MLXIPL: variants seen among roughly 807,000 people sequenced by gnomAD.
The protein encoded by MLXIPL is carbohydrate-responsive element-binding protein.
In MLXIPL, 49 loss-of-function variants were observed where a neutral mutation model predicts 81.5. That is an observed-to-expected ratio of 0.60 (90% CI 0.48 to 0.76). The LOEUF (loss-of-function observed/expected upper bound fraction) is 0.76, where lower values mean the gene tolerates loss of function less well. Among genes scored for constraint, MLXIPL ranks in the 30% least tolerant of loss-of-function variants. MLXIPL has a pLI of 0.00. For missense variants in MLXIPL, 1,053 were observed against 1,167.0 expected, an observed-to-expected ratio of 0.90 and a Z score of 1.42; for synonymous variants, 466 against 485.5, an observed-to-expected ratio of 0.96 and a Z score of 0.53.
At chr7:73,638,634 T>C in the MLXIPL span, among the ~76,000 whole-genome samples, 2 of 151,652 alleles carry the variant, frequency 1.3e-5, no homozygotes, top group African/African-American at 2.4e-5. Flanking sequence ...TGTTTGTTTG[T>C]TTTTCCAAGA....
chr7:73,641,568 C>T, the MLXIPL span, among the ~76,000 whole-genome samples: 4 of 152,236 alleles, frequency 2.6e-5, no homozygotes, highest in South Asian at 4.1e-4. Context: ...TGTTTACTCA[C>T]ACTTATGACA....
the MLXIPL span, among the ~76,000 whole-genome samples, chr7:73,632,127 G>A: frequency 1.3e-5 from 2 of 150,960 alleles, no homozygotes; most frequent in Admixed American, 1.3e-4. Context: ...TAAGTAGCTG[G>A]GACCACCACA....
Position 73,596,108 on chromosome 7 carries a change from G to T in MLXIPL, c.2058+45C>A. 1 of 1,605,484 alleles carries T rather than the reference G, an allele frequency of 6.2e-7. No homozygotes were observed. The highest frequency in any genetic ancestry group is 8.5e-7 in the Non-Finnish European group (1 of 1,177,754). ...GTTTTGGGTGGGGGGGGTCCAGAAA[G>T]GGGCCCTGTGGTTTTGGGGGTGCCA... On this transcript the variant is annotated intron_variant, in intron 13 of 16. Transcript: ENST00000313375. This position sits in a 1 kb window ranked among gnomAD's most constrained non-coding sequence, Gnocchi z 4.7.
rs1371004063 is a variant in MLXIPL, at chr7:73,624,262, G to C, written c.231C>G (p.Phe77Leu). ...GTGTGGGGTCGATACTGCGCGGCCC[G>C]AAGTCGGAGGGCCCCACGGACCCCT... The part of the protein sequence containing the change: ...DQEGSVGPSD[F>L]GPRSIDPTLT... The change falls in exon 1 of 17, where the codon TTC (phenylalanine) becomes TTG (leucine). Residue 77 changes from phenylalanine (F) to leucine (L), a missense_variant. Around this residue, in one of 3 missense-constraint regions of MLXIPL, gnomAD observed 226 missense variants for 216.2 expected, o/e 1.05. Transcript: ENST00000313375. 1 of 1,593,530 alleles carries C rather than the reference G, an allele frequency of 6.3e-7. No individual in the cohort carries two copies. Among genetic ancestry groups the C allele is most frequent in the African/African-American group, 1.3e-5 (1 of 74,584 alleles).
the MLXIPL span, among the ~76,000 whole-genome samples, chr7:73,632,113 C>T: frequency 6.6e-6 from 1 of 151,258 alleles, no homozygotes; most frequent in South Asian, 2.1e-4. Flanking sequence ...CTGCCTCAGC[C>T]TCCTAAGTAG....
Position 73,597,589 on chromosome 7 carries a change from G to A in MLXIPL, c.1196C>T (p.Pro399Leu). Reference sequence around the variant, plus strand: ...CAGGCCTGGCACCTTGGCAGGGGGAGGGTAATGCAGCAGAGGTGGGGGTAC... The same window carrying A: ...CAGGCCTGGCACCTTGGCAGGGGGAAGGTAATGCAGCAGAGGTGGGGGTAC... ...PPVPPPLLHY[P>L]PPAKVPGLEP... is the part of the protein sequence containing the mutation. Residue 399 changes from proline to leucine, a missense_variant, in exon 9 of 17, where the codon CCT (proline) becomes CTT (leucine). Transcript: ENST00000313375. 2 of 1,337,346 alleles carry A rather than the reference G, an allele frequency of 1.5e-6. 1 individual carries two copies. The highest frequency in any genetic ancestry group is 4.8e-5 in the South Asian group (2 of 42,022). The allele number at this position is 1,337,346 out of a possible 1,614,324, so 82.8% of individuals were successfully genotyped here.
intron 1 of MLXIPL, among the ~76,000 whole-genome samples, chr7:73,622,722 C>T (rs1179710603): frequency 6.6e-6 from 1 of 151,522 alleles, no homozygotes; most frequent in African/African-American, 2.4e-5. Flanking sequence ...ACTGGGGTTA[C>T]ATCAGCCTTG....
At chr7:73,635,898 C>T in the MLXIPL span, among the ~76,000 whole-genome samples, 13 of 152,210 alleles carry the variant, frequency 8.5e-5, no homozygotes, top group Admixed American at 1.3e-4. Flanking sequence ...ATGTCATGCC[C>T]TCTGTTCAGG....
chr7:73,643,286 G>A, the MLXIPL span, among the ~76,000 whole-genome samples: 23 of 152,102 alleles, frequency 1.5e-4, no homozygotes, highest in Non-Finnish European at 2.9e-4. Context: ...AGGCCGAGGC[G>A]GGCGGATCAC....
chr7:73,637,195 G>A, the MLXIPL span, among the ~76,000 whole-genome samples: 7 of 151,604 alleles, frequency 4.6e-5, no homozygotes, highest in African/African-American at 1.7e-4. Flanking sequence ...AAGCAAAAAG[G>A]GGCCTTGTGC....
rs1311612009 is a variant in MLXIPL, at chr7:73,623,139, G to A, written c.293+1061C>T. The stretch of plus-strand genomic sequence containing the variant: ...CCAGCCAATGGGGTCGCAGCTGGGC[G>A]GCTGCGGTTGGGGGCAGGCAACACT... On this transcript the variant is annotated intron_variant, in intron 1 of 16. Coordinates refer to ENST00000313375, the MANE Select transcript of MLXIPL (RefSeq NM_032951.3). The surrounding 1 kb of genome is among the most constrained non-coding windows in gnomAD (Gnocchi z 5.7). Among the ~76,000 whole-genome samples, 3 of 152,202 alleles carry A rather than the reference G, an allele frequency of 2.0e-5. No individual in the cohort carries two copies. Among genetic ancestry groups the A allele is most frequent in the African/African-American group, 2.4e-5 (1 of 41,440 alleles).
the MLXIPL span, among the ~76,000 whole-genome samples, chr7:73,638,940 C>G: frequency 6.6e-6 from 1 of 151,846 alleles, no homozygotes; most frequent in Non-Finnish European, 1.5e-5. Context: ...ATTCCCAACC[C>G]AGTACTTTTT....
chr7:73,634,981 A>AT, the MLXIPL span, among the ~76,000 whole-genome samples: 2,509 of 131,702 alleles, frequency 0.019, 42 homozygotes, highest in Middle Eastern at 0.039. Context: ...ACGCCCAGCT[A>AT]TTTTTTTTTT....
chr7:73,615,339 C>A (rs1388093853), intron 2 of MLXIPL, among the ~76,000 whole-genome samples: 1 of 152,126 alleles, frequency 6.6e-6, no homozygotes, highest in Non-Finnish European at 1.5e-5. Context: ...GAGACCCATG[C>A]GGGATCCTCA....
chr7:73,642,074 G>A, the MLXIPL span, among the ~76,000 whole-genome samples: 3 of 152,072 alleles, frequency 2.0e-5, no homozygotes, highest in Admixed American at 6.6e-5. Flanking sequence ...TATAAATCAG[G>A]GGTTCTCATG....
chr7:73,604,024 T>C (rs1795091080), intron 7 of MLXIPL, among the ~76,000 whole-genome samples: 1 of 151,752 alleles, frequency 6.6e-6, no homozygotes, highest in Non-Finnish European at 1.5e-5. Flanking sequence ...AAAACCAGCC[T>C]GGCCAACATG....
the MLXIPL span, among the ~76,000 whole-genome samples, chr7:73,632,931 C>G: frequency 7.9e-5 from 12 of 151,998 alleles, no homozygotes; most frequent in Middle Eastern, 6.8e-3. Flanking sequence ...AGGTGCCCAC[C>G]ACCACGTGTG....
intron 8 of MLXIPL, among the ~76,000 whole-genome samples, chr7:73,598,801 C>T (rs1204666193): frequency 2.0e-5 from 3 of 151,960 alleles, no homozygotes; most frequent in African/African-American, 4.8e-5. Context: ...AGGCCTATAA[C>T]CAAGCAGCAG....
chr7:73,602,030 G>A (rs1335577757), intron 7 of MLXIPL, among the ~76,000 whole-genome samples: 1 of 151,772 alleles, frequency 6.6e-6, no homozygotes, highest in South Asian at 2.1e-4. Context: ...GCCTGTCCGC[G>A]TGTCTAACCT....
Sources: gnomAD v4.1 joint callset for allele counts (sites outside exome capture counted in the v4.1 genomes callset) on GRCh38, gnomAD v4.1.1 for gene constraint, gnomAD v4.1.1 regional missense constraint, Gnocchi (gnomAD v3.1) non-coding constraint, MANE v1.5 for transcripts, NCBI Gene and HGNC (gene_info 2026-07-23, HGNC 2026-07-21) for gene names.